Variants in RGS5 observed in about 807,000 individuals in gnomAD.
RGS5 encodes the protein regulator of G-protein signalling 5.
In RGS5, 20 loss-of-function variants were observed where a neutral mutation model predicts 18.9. The observed-to-expected ratio is 1.06, with a 90% confidence interval of 0.74 to 1.54. The LOEUF (loss-of-function observed/expected upper bound fraction) is 1.54, where lower values mean the gene tolerates loss of function less well. Ranked by LOEUF, RGS5 falls within the 40% of genes most tolerant of loss-of-function variation. The pLI is 0.00. For synonymous variants in RGS5, 57 were observed against 76.2 expected (o/e 0.75, Z 1.31); for missense variants, 201 against 211.8 (o/e 0.95, Z 0.32).
chr1:163,310,417 T>C (rs1334803576), intron 1 of RGS5, among the ~76,000 whole-genome samples: 1 of 150,728 alleles, frequency 6.6e-6, no homozygotes, highest in African/African-American at 2.4e-5. Flanking sequence ...TACTAAAAAA[T>C]ACAAAAAATT....
chr1:163,170,571 G>GA lies in RGS5; in HGVS notation c.45-2204dup, dbSNP rs552618967. Among the ~76,000 whole-genome samples, 147 of 151,776 alleles carry GA rather than the reference G, an allele frequency of 9.7e-4. 1 individual carries two copies. The highest frequency in any genetic ancestry group is 1.6e-3 in the Non-Finnish European group (106 of 67,892). ...AAGATTTGCAGTTACGGATATTAGG[G>GA]AAAAAAAATGTAAGGAAACCTGTGG... On this transcript the variant is annotated intron_variant, in intron 1 of 4. Coordinates refer to ENST00000313961, the MANE Select transcript of RGS5 (RefSeq NM_003617.4).
At chr1:163,156,252 A>G (rs1262332414) in intron 3 of RGS5, among the ~76,000 whole-genome samples, 1 of 152,194 alleles carries the variant, frequency 6.6e-6, no homozygotes, top group East Asian at 1.9e-4. Context: ...GGAGATACTA[A>G]TGGAACTTAT....
intron 2 of RGS5, among the ~76,000 whole-genome samples, chr1:163,268,919 T>A (rs971505963): frequency 5.9e-5 from 9 of 152,080 alleles, no homozygotes; most frequent in African/African-American, 2.2e-4. Flanking sequence ...CTTACCATAA[T>A]CTGAGGTACA....
At chr1:163,158,942 G>A (rs528954102) in intron 3 of RGS5, among the ~76,000 whole-genome samples, 1 of 152,066 alleles carries the variant, frequency 6.6e-6, no homozygotes, top group East Asian at 1.9e-4. Flanking sequence ...TTCCCAAAGC[G>A]GCCATTTCAG....
At chr1:163,207,498 G>C (rs930259106), upstream of RGS5, among the ~76,000 whole-genome samples, 1 of 151,998 alleles carries the variant, frequency 6.6e-6, no homozygotes, top group Admixed American at 6.5e-5. Flanking sequence ...CACTTGCCAG[G>C]CTTTAATTTT....
chr1:163,298,134 GA>G (rs981587575), intron 2 of RGS5, among the ~76,000 whole-genome samples: 24 of 152,156 alleles, frequency 1.6e-4, no homozygotes, highest in African/African-American at 5.5e-4. Context: ...AAATGCAAGG[GA>G]TGGAGGGAAA....
At chr1:163,194,014 A>T (rs1659462367) in intron 1 of RGS5, among the ~76,000 whole-genome samples, 1 of 152,134 alleles carries the variant, frequency 6.6e-6, no homozygotes, top group Non-Finnish European at 1.5e-5. Context: ...GACATTATAC[A>T]CTTGAAGAGG....
At chr1:163,198,832 GTTGT>G (rs1028663308) in intron 1 of RGS5, among the ~76,000 whole-genome samples, 4 of 151,774 alleles carry the variant, frequency 2.6e-5, no homozygotes, top group Non-Finnish European at 4.4e-5. Flanking sequence ...ATTTTTTGTT[GTTGT>G]TTGTTTGTTT....
rs369112644 is a variant in RGS5, at chr1:163,178,323, TA to T, written c.45-9956del. Among the ~76,000 whole-genome samples, 74 of 151,826 alleles carry T rather than the reference TA, an allele frequency of 4.9e-4. No homozygotes were observed. The East Asian group carries it at 0.012, about 24-fold the overall frequency. On this transcript the variant is annotated intron_variant, in intron 1 of 4. Coordinates refer to ENST00000313961, the MANE Select transcript of RGS5 (RefSeq NM_003617.4). ...GGAGACTCTGTCTCAAAAGAATTTT[TA>T]AAAAATTAAAAATTTAAAAATAAAT...
At chr1:163,254,503 T>C (rs527571639) in intron 2 of RGS5, among the ~76,000 whole-genome samples, 2 of 152,032 alleles carry the variant, frequency 1.3e-5, no homozygotes, top group South Asian at 2.1e-4. Context: ...GGGTTGTTTT[T>C]TTCTTGTAAA....
chr1:163,230,173 T>C (rs1647440065), intron 2 of RGS5, among the ~76,000 whole-genome samples: 1 of 152,218 alleles, frequency 6.6e-6, no homozygotes, highest in Non-Finnish European at 1.5e-5. Flanking sequence ...TAATTAGAGA[T>C]AAAATTCAAA....
At chr1:163,199,572 G>GT (rs1357725830) in intron 1 of RGS5, among the ~76,000 whole-genome samples, 1 of 151,690 alleles carries the variant, frequency 6.6e-6, no homozygotes, top group African/African-American at 2.4e-5. Context: ...TCTTTTTGTT[G>GT]TTTAAAAAAA....
At chr1:163,240,592 CT>C in intron 2 of RGS5, among the ~76,000 whole-genome samples, 1 of 152,230 alleles carries the variant, frequency 6.6e-6, no homozygotes, top group East Asian at 1.9e-4. Context: ...TCACAGCTCA[CT>C]GCAGCCTCAA....
intron 2 of RGS5, among the ~76,000 whole-genome samples, chr1:163,242,001 G>A (rs1257734797): frequency 6.6e-6 from 1 of 152,130 alleles, no homozygotes; most frequent in East Asian, 1.9e-4. Flanking sequence ...AAGCACCTCA[G>A]GCTACTTCTT....
At chr1:163,202,990 G>T, upstream of RGS5, 1 of 641,238 alleles carries the variant, frequency 1.6e-6, no homozygotes, top group Non-Finnish European at 2.7e-6. Context: ...CCAATCCAGA[G>T]CCTTAGAGGA....
chr1:163,180,862 T>C (rs555115822), intron 1 of RGS5, among the ~76,000 whole-genome samples: 81 of 151,728 alleles, frequency 5.3e-4, no homozygotes, highest in African/African-American at 1.9e-3. Flanking sequence ...GCCCGGCTAA[T>C]TTTTTGTATT....
intron 1 of RGS5, among the ~76,000 whole-genome samples, chr1:163,317,724 A>G (rs1448788465): frequency 6.6e-6 from 1 of 152,166 alleles, no homozygotes; most frequent in Non-Finnish European, 1.5e-5. Flanking sequence ...CCTGTCTAGA[A>G]TCTCTCAGTT....
chr1:163,196,671 C>A (rs528471734), intron 1 of RGS5, among the ~76,000 whole-genome samples: 7 of 152,180 alleles, frequency 4.6e-5, no homozygotes, highest in Non-Finnish European at 1.0e-4. Flanking sequence ...ACCATCATTG[C>A]AGCCAAAAGA....
At chr1:163,240,518 A>G (rs938033518) in intron 2 of RGS5, among the ~76,000 whole-genome samples, 2 of 151,864 alleles carry the variant, frequency 1.3e-5, no homozygotes, top group African/African-American at 4.8e-5. Flanking sequence ...GGATAATTGG[A>G]AAAAAAATTT....
Sources: gnomAD v4.1 joint callset for allele counts (sites outside exome capture counted in the v4.1 genomes callset) on GRCh38, gnomAD v4.1.1 for gene constraint, MANE v1.5 for transcripts, NCBI Gene and HGNC (gene_info 2026-07-23, HGNC 2026-07-21) for gene names.